The following CRKL variants were observed in gnomAD, a reference collection of about 807,000 sequenced individuals.
CRKL encodes the protein crk-like protein.
A neutral mutation model predicts 23.0 loss-of-function variants in CRKL; 3 were observed. The ratio of observed to expected loss-of-function variants is 0.13; its 90% CI spans 0.06 to 0.34. The LOEUF (loss-of-function observed/expected upper bound fraction) is 0.34, where lower values mean the gene tolerates loss of function less well. CRKL is among the 10% of genes least tolerant of loss of function. The pLI is 1.00. For missense variants in CRKL, 256 were observed against 394.5 expected, an observed-to-expected ratio of 0.65 and a Z score of 2.97; for synonymous variants, 188 against 160.7, an observed-to-expected ratio of 1.17 and a Z score of -1.28.
At chr22:20,925,479 C>T (rs374714064) in intron 1 of CRKL, among the ~76,000 whole-genome samples, 20 of 152,352 alleles carry the variant, frequency 1.3e-4, no homozygotes, top group Middle Eastern at 3.4e-3. Flanking sequence ...AGCGCCACTG[C>T]ACTCCAGTCT....
chr22:20,944,803 G>C (rs1921997436), intron 2 of CRKL, among the ~76,000 whole-genome samples: 1 of 151,372 alleles, frequency 6.6e-6, no homozygotes. Flanking sequence ...GCCCAGGCTA[G>C]AGTGCAGTGG....
chr22:20,921,667 TGA>T (rs1255151038), intron 1 of CRKL, among the ~76,000 whole-genome samples: 1 of 151,908 alleles, frequency 6.6e-6, no homozygotes, highest in Non-Finnish European at 1.5e-5. Flanking sequence ...TGTCCTGAGG[TGA>T]GAAAGTCCAT....
At chr22:20,947,149 A>G (rs1485096007) in intron 2 of CRKL, among the ~76,000 whole-genome samples, 1 of 78,538 alleles carries the variant, frequency 1.3e-5, no homozygotes, top group Non-Finnish European at 2.9e-5. Flanking sequence ...CCTCTGTCTA[A>G]GCAGTAGCTC....
chr22:20,945,962 C>T (rs554106224), intron 2 of CRKL, among the ~76,000 whole-genome samples: 1 of 152,248 alleles, frequency 6.6e-6, no homozygotes, highest in East Asian at 1.9e-4. Flanking sequence ...GGGCTATAAG[C>T]CCCTTTGAGA....
chr22:20,918,680 C>T (rs970343871), intron 1 of CRKL, among the ~76,000 whole-genome samples: 1 of 151,068 alleles, frequency 6.6e-6, no homozygotes, highest in Non-Finnish European at 1.5e-5. Flanking sequence ...CAACCTCCGC[C>T]TCCCGGGTTC....
intron 1 of CRKL, 151 bp from the exon 2 acceptor site, chr22:20,933,628 A>G (rs527814078): frequency 7.8e-6 from 5 of 644,648 alleles, no homozygotes; most frequent in Non-Finnish European, 1.0e-5. Flanking sequence ...AGATCACGCT[A>G]TTGCACTCCA....
At chr22:20,935,625 C>A (rs1921630331) in intron 2 of CRKL, among the ~76,000 whole-genome samples, 1 of 150,090 alleles carries the variant, frequency 6.7e-6, no homozygotes, top group South Asian at 2.1e-4. Context: ...CTCCTGAGTT[C>A]AAGTGATTCT....
rs1922324138 is a variant in CRKL, at chr22:20,952,707, TA to T, written c.*2865del. 5 of 231,574 alleles carry T rather than the reference TA, an allele frequency of 2.2e-5. No homozygotes were observed. The East Asian group carries it at 3.1e-4, about 14-fold the overall frequency. The allele number at this position is 231,574 out of a possible 1,614,324, so 14.3% of individuals were successfully genotyped here. On this transcript the variant is annotated 3_prime_UTR_variant, in exon 3 of 3. Transcript: ENST00000354336. The stretch of plus-strand genomic sequence containing the variant: ...CATGTTTAAAGAAATATTTGGATGT[TA>T]AATTAACTCACTATGGTTTTTCACC...
Position 20,927,842 on chromosome 22 carries a change from CAAAAAAAAA to C in CRKL, c.312-5921_312-5913del, listed in dbSNP as rs796204860. 1.6e-4 allele frequency among the ~76,000 whole-genome samples: 9 copies of C among 56,260 alleles called. No homozygotes were observed. In the South Asian group the frequency reaches 3.0e-3, roughly 18 times the overall value. 36.9% of individuals were successfully genotyped at this position (56,260 alleles called of 152,430 possible). On this transcript the variant is annotated intron_variant, in intron 1 of 2. Transcript: ENST00000354336. The stretch of plus-strand genomic sequence containing the variant: ...TGGGTAACAGAGCAAGACTCTGTCT[CAAAAAAAAA>C]AAAAAAAAAAAAAAAGGAAAAAGAG...
chr22:20,924,351 G>A (rs555968890), intron 1 of CRKL, among the ~76,000 whole-genome samples: 39 of 152,160 alleles, frequency 2.6e-4, no homozygotes, highest in Non-Finnish European at 5.3e-4. Context: ...AATCCCTGAA[G>A]GGACAGGAGG....
At chr22:20,919,090 C>CA (rs888871472) in intron 1 of CRKL, among the ~76,000 whole-genome samples, 1 of 151,328 alleles carries the variant, frequency 6.6e-6, no homozygotes, top group Non-Finnish European at 1.5e-5. Flanking sequence ...TTGGAACAGT[C>CA]AAAAAAATGA....
At chr22:20,940,454 T>C (rs527936118) in intron 2 of CRKL, among the ~76,000 whole-genome samples, 1 of 152,306 alleles carries the variant, frequency 6.6e-6, no homozygotes, top group South Asian at 2.1e-4. Flanking sequence ...AGTCTTCCAG[T>C]GTCCTGTGAT....
At position 20,953,463 on chromosome 22, in the gene CRKL, T is replaced by G. The variant is rs1408509774; in HGVS notation, c.*3618T>G. On this transcript the variant is annotated 3_prime_UTR_variant, in exon 3 of 3. Coordinates refer to ENST00000354336, the MANE Select transcript of CRKL (RefSeq NM_005207.4). ...ACAACAACAACAACATAAAACTCTT[T>G]TGACCTGTAACTTAAAGATCATAAA... 1 of 231,556 alleles carries G rather than the reference T, an allele frequency of 4.3e-6. No individual in the cohort carries two copies. The highest frequency in any genetic ancestry group is 8.5e-6 in the Non-Finnish European group (1 of 117,036). 14.3% of individuals were successfully genotyped at this position (231,556 alleles called of 1,614,324 possible). A position where few individuals can be genotyped will look rare whatever the true frequency, so the allele number is the denominator to read the frequency against.
intron 2 of CRKL, among the ~76,000 whole-genome samples, chr22:20,934,805 ATTTTTTTT>A (rs67055933): frequency 6.1e-5 from 6 of 98,526 alleles, no homozygotes; most frequent in East Asian, 6.6e-4. Flanking sequence ...AGAGGAATGA[ATTTTTTTT>A]TTTTTTTTTT....
intron 1 of CRKL, among the ~76,000 whole-genome samples, chr22:20,933,259 A>G (rs189618728): frequency 1.3e-5 from 2 of 152,068 alleles, no homozygotes; most frequent in Admixed American, 1.3e-4. Context: ...AGTCCCAGCT[A>G]CTCAGGAGGC....
At chr22:20,928,677 G>A (rs1653514922) in intron 1 of CRKL, among the ~76,000 whole-genome samples, 1 of 151,738 alleles carries the variant, frequency 6.6e-6, no homozygotes, top group Non-Finnish European at 1.5e-5. Flanking sequence ...ATCGGATGTG[G>A]TGGCATGCAC....
At chr22:20,947,675 C>CCTTT (rs1491297940) in intron 2 of CRKL, among the ~76,000 whole-genome samples, 2 of 86,010 alleles carry the variant, frequency 2.3e-5, no homozygotes, top group Admixed American at 1.5e-4. Context: ...TTCTTTTTTT[C>CCTTT]ATTTTTTTTT....
chr22:20,933,063 G>C (rs533291944), intron 1 of CRKL, among the ~76,000 whole-genome samples: 3 of 150,500 alleles, frequency 2.0e-5, no homozygotes, highest in Non-Finnish European at 4.4e-5. Flanking sequence ...CTGGGTGACA[G>C]AGCAAGATTC....
At chr22:20,943,671 T>C (rs1319629625) in intron 2 of CRKL, among the ~76,000 whole-genome samples, 1 of 152,186 alleles carries the variant, frequency 6.6e-6, no homozygotes, top group Non-Finnish European at 1.5e-5. Flanking sequence ...TCTTTCCCTG[T>C]TGAATAGACT....
Sources: allele counts gnomAD v4.1 joint callset (sites outside exome capture counted in the v4.1 genomes callset), GRCh38; gene constraint gnomAD v4.1.1; transcripts MANE v1.5; gene names NCBI Gene and HGNC (gene_info 2026-07-23, HGNC 2026-07-21).